The following SCN1A variants were observed in gnomAD, a reference collection of about 807,000 sequenced individuals.
SCN1A encodes the protein sodium voltage-gated channel alpha subunit 1.
A neutral mutation model predicts 193.7 loss-of-function variants in SCN1A; 13 were observed. That is an observed-to-expected ratio of 0.07 (90% CI 0.04 to 0.11). The LOEUF (loss-of-function observed/expected upper bound fraction) is 0.11. Among genes scored for constraint, SCN1A ranks in the 10% least tolerant of loss-of-function variants. SCN1A has a pLI of 1.00. For missense variants in SCN1A, 1,432 were observed against 2,451.1 expected (o/e 0.58, Z 8.78); for synonymous variants, 781 against 843.6 (o/e 0.93, Z 1.29).
At chr2:166,018,308 T>G (rs945718296) in intron 19 of SCN1A, among the ~76,000 whole-genome samples, 1 of 152,008 alleles carries the variant, frequency 6.6e-6, no homozygotes, top group African/African-American at 2.4e-5. Flanking sequence ...TAAAGCATTG[T>G]TTTTTACTTT....
chr2:166,055,925 T>G (rs925700307), intron 6 of SCN1A, among the ~76,000 whole-genome samples: 1 of 152,056 alleles, frequency 6.6e-6, no homozygotes, highest in Non-Finnish European at 1.5e-5. Flanking sequence ...CTTTGGATTA[T>G]TTTTCAATTT....
intron 11 of SCN1A, 98 bp downstream of exon 11, chr2:166,047,527 GCT>G: frequency 7.5e-7 from 1 of 1,340,106 alleles, no homozygotes; most frequent in Non-Finnish European, 1.1e-6. Context: ...TTCAAGTTCT[GCT>G]CTTTCTACTA....
At chr2:166,036,762 G>A (rs989136018) in intron 18 of SCN1A, among the ~76,000 whole-genome samples, 3 of 152,136 alleles carry the variant, frequency 2.0e-5, no homozygotes, top group Admixed American at 6.5e-5. Flanking sequence ...TCTCCCATTC[G>A]TAAAGTGAAA....
chr2:166,052,911 A>G lies in SCN1A; in HGVS notation c.635T>C (p.Val212Ala), dbSNP rs551068385. ...AACTCTGAATGTTCTCAATGCCGAG[A>G]CATTGCCCAGGTCCACAAACTCTGT... The part of the protein sequence containing the change: ...YVTEFVDLGN[V>A]SALRTFRVLR... Residue 212 changes from valine to alanine, a missense_variant, in exon 8 of 29, where the codon GTC becomes GCC. Transcript: ENST00000674923. The G allele has an allele frequency of 6.2e-7, 1 of 1,612,540 alleles. No individual in the cohort carries two copies. Among genetic ancestry groups the G allele is most frequent in the Admixed American group, 1.7e-5 (1 of 59,774 alleles).
intron 2 of SCN1A, among the ~76,000 whole-genome samples, chr2:166,094,038 T>C (rs1160298110): frequency 1.5e-5 from 2 of 136,138 alleles, no homozygotes; most frequent in Non-Finnish European, 3.1e-5. Flanking sequence ...TCCTTATCGG[T>C]CAAATCTTTC....
chr2:165,998,213 A>C, intron 25 of SCN1A, 38 bp from the exon 26 acceptor site: 1 of 1,557,602 alleles, frequency 6.4e-7, no homozygotes, highest in Non-Finnish European at 8.8e-7. Flanking sequence ...ATTACCATAC[A>C]TTTTAGTGCT....
At chr2:166,093,453 C>G (rs1469481707) in intron 2 of SCN1A, among the ~76,000 whole-genome samples, 1 of 152,074 alleles carries the variant, frequency 6.6e-6, no homozygotes, top group East Asian at 1.9e-4. Context: ...ATTCTCCTGC[C>G]TCAACCTCCT....
At chr2:166,064,165 C>A (rs1250531520) in intron 4 of SCN1A, among the ~76,000 whole-genome samples, 1 of 152,134 alleles carries the variant, frequency 6.6e-6, no homozygotes, top group East Asian at 1.9e-4. Flanking sequence ...AATTAGATTT[C>A]TGATTCAAAA....
chr2:166,130,629 T>C (rs1419156581), upstream of SCN1A, among the ~76,000 whole-genome samples: 2 of 152,220 alleles, frequency 1.3e-5, no homozygotes, highest in Non-Finnish European at 2.9e-5. Context: ...TGTTGTATCT[T>C]ATGAAACATG....
At chr2:166,048,141 T>C (rs1253944114) in intron 10 of SCN1A, among the ~76,000 whole-genome samples, 1 of 152,146 alleles carries the variant, frequency 6.6e-6, no homozygotes, top group Non-Finnish European at 1.5e-5. Flanking sequence ...GGATTACTCC[T>C]CTTTTTGTAT....
intron 6 of SCN1A, among the ~76,000 whole-genome samples, chr2:166,055,907 C>G (rs1057143231): frequency 1.3e-5 from 2 of 151,986 alleles, no homozygotes; most frequent in Non-Finnish European, 2.9e-5. Flanking sequence ...AGTTCTACAA[C>G]CCTGAAACTT....
intron 2 of SCN1A, among the ~76,000 whole-genome samples, chr2:166,087,160 T>A (rs185962609): frequency 0.025 from 3,632 of 147,108 alleles, 66 homozygotes; most frequent in South Asian, 0.074. Context: ...TCATGAGAAC[T>A]GGTTGAAAAA....
chr2:166,106,625 T>C (rs772835787), intron 2 of SCN1A, among the ~76,000 whole-genome samples: 3 of 152,114 alleles, frequency 2.0e-5, no homozygotes, highest in Non-Finnish European at 4.4e-5. Flanking sequence ...GGGAGAACTG[T>C]GGCAAAGTGG....
At chr2:166,048,748 A>G (rs1233056099) in intron 10 of SCN1A, 138 bp downstream of exon 10, 7 of 665,144 alleles carry the variant, frequency 1.1e-5, no homozygotes, top group Non-Finnish European at 1.6e-5. Context: ...ATACTTTATC[A>G]AAAACCTTAC....
Position 166,041,400 on chromosome 2 carries a change from T to C in SCN1A, c.2246A>G (p.Asp749Gly), listed in dbSNP as rs1312219617. 6.2e-7 allele frequency: 1 copy of C among 1,612,826 alleles called. No individual in the cohort carries two copies. Among genetic ancestry groups the C allele is most frequent in the South Asian group, 1.1e-5 (1 of 91,032 alleles). ...CACTTTTAACCAATATGGAGAACAGTCCCAGATTAAGAATATGTTGGAAAA... is the reference window on the plus strand; with the variant it reads ...CACTTTTAACCAATATGGAGAACAGCCCCAGATTAAGAATATGTTGGAAAA... The part of the protein sequence containing the change: ...YKFSNIFLIW[D>G]CSPYWLKVKH... The change falls in exon 16 of 29, where the codon GAC (aspartate) becomes GGC (glycine). Residue 749 changes from aspartate (D) to glycine (G), a missense_variant. Asp to Gly is a moderately conservative substitution (Grantham distance 94). Coordinates refer to ENST00000674923, the MANE Select transcript of SCN1A (RefSeq NM_001165963.4).
chr2:166,036,936 A>G (rs1392643228), intron 18 of SCN1A, among the ~76,000 whole-genome samples: 2 of 152,196 alleles, frequency 1.3e-5, no homozygotes, highest in Non-Finnish European at 2.9e-5. Context: ...ATTAAATTGG[A>G]TGTCAATTGA....
chr2:166,114,863 G>T (rs1689674278), intron 2 of SCN1A, among the ~76,000 whole-genome samples: 1 of 152,224 alleles, frequency 6.6e-6, no homozygotes, highest in Non-Finnish European at 1.5e-5. Flanking sequence ...AACAGGAAGA[G>T]AAATGGTTTA....
At chr2:165,997,840 G>C (rs188992070) in intron 26 of SCN1A, among the ~76,000 whole-genome samples, 198 bp downstream of exon 26, 2 of 151,306 alleles carry the variant, frequency 1.3e-5, no homozygotes, top group Admixed American at 1.3e-4. Context: ...CTATGAACAA[G>C]AGTGTGGAAC....
At chr2:165,997,999 T>C in intron 26 of SCN1A, 39 bp downstream of exon 26, 1 of 1,530,664 alleles carries the variant, frequency 6.5e-7, no homozygotes, top group South Asian at 1.1e-5. Context: ...AGGAATAATT[T>C]TCTATCTCAG....
Sources: allele counts gnomAD v4.1 joint callset (sites outside exome capture counted in the v4.1 genomes callset), GRCh38; gene constraint gnomAD v4.1.1; transcripts MANE v1.5; gene names NCBI Gene and HGNC (gene_info 2026-07-23, HGNC 2026-07-21).